SATB2: variants seen among roughly 807,000 people sequenced by gnomAD.
SATB2 encodes SATB homeobox 2.
In SATB2, 1 loss-of-function variant was observed where a neutral mutation model predicts 73.4. The observed-to-expected ratio is 0.01, with a 90% CI of 0.00 to 0.06. The LOEUF is 0.06. SATB2 is among the 10% of genes least tolerant of loss of function. The pLI is 1.00. For synonymous variants in SATB2, 397 were observed against 367.0 expected (o/e 1.08, Z -0.93); for missense variants, 459 against 945.8 (o/e 0.49, Z 6.75).
chr2:199,343,268 A>G (rs759628650), intron 7 of SATB2, among the ~76,000 whole-genome samples: 16 of 152,210 alleles, frequency 1.1e-4, no homozygotes, highest in Non-Finnish European at 1.8e-4. Context: ...ACAAAATATA[A>G]GGTGACAAAA....
upstream of SATB2, among the ~76,000 whole-genome samples, chr2:199,461,890 G>A (rs1263837065): frequency 6.6e-6 from 1 of 151,636 alleles, no homozygotes; most frequent in Non-Finnish European, 1.5e-5. Context: ...TCTCTTTGTC[G>A]ACACCAAGTT....
At chr2:199,453,585 A>T (rs916485731) in intron 2 of SATB2, among the ~76,000 whole-genome samples, 2 of 152,016 alleles carry the variant, frequency 1.3e-5, no homozygotes, top group African/African-American at 4.8e-5. Flanking sequence ...CATTTTTTAA[A>T]ATTTAGAATG....
intron 10 of SATB2, among the ~76,000 whole-genome samples, chr2:199,275,116 G>A (rs1201884333): frequency 1.3e-5 from 2 of 152,154 alleles, no homozygotes; most frequent in Admixed American, 6.5e-5. Context: ...CTTGCCTTCT[G>A]TAGTAAAAGT....
At chr2:199,434,480 AATCT>A (rs1169272721) in intron 2 of SATB2, among the ~76,000 whole-genome samples, 1 of 152,196 alleles carries the variant, frequency 6.6e-6, no homozygotes, top group Non-Finnish European at 1.5e-5. Flanking sequence ...CAGGCACTTA[AATCT>A]AAACATAACC....
Position 199,321,540 on chromosome 2 carries a change from ATG to A in SATB2, c.1542+2261_1542+2262del, listed in dbSNP as rs1393924747. Among the ~76,000 whole-genome samples the A allele has an allele frequency of 2.7e-5, 4 of 148,934 alleles. No homozygotes were observed. In the South Asian group the frequency reaches 8.3e-4, roughly 31 times the overall value. ...TACACACATATACATATATACATATATGTGTATATATATACACACATACACAC... is the reference window on the plus strand; with the variant it reads ...TACACACATATACATATATACATATATGTATATATATACACACATACACAC... On this transcript the variant is annotated intron_variant, in intron 9 of 10. Coordinates refer to ENST00000417098, the MANE Select transcript of SATB2 (RefSeq NM_001172509.2).
chr2:199,294,958 T>C (rs1692984490), intron 10 of SATB2, among the ~76,000 whole-genome samples: 1 of 152,192 alleles, frequency 6.6e-6, no homozygotes. Flanking sequence ...AAAAAATAAC[T>C]GTTAATTTGT....
chr2:199,402,227 A>G (rs766980776), intron 3 of SATB2, among the ~76,000 whole-genome samples: 38 of 152,150 alleles, frequency 2.5e-4, no homozygotes, highest in Non-Finnish European at 4.9e-4. Context: ...TCTACTAAAA[A>G]TACAAAAATT....
rs541185446 is a variant in SATB2 at position 199,370,791 on chromosome 2, G to A, written c.598-2084C>T. 3.9e-5 allele frequency among the ~76,000 whole-genome samples: 6 copies of A among 151,968 alleles called. No homozygotes were observed. In the South Asian group the frequency reaches 6.2e-4, roughly 16 times the overall value. ...TATCTGGGCTCCTACTGGCTCCGTC[G>A]GCAGGTCCTATATTTCATATAACTC... is the stretch of plus-strand genomic sequence containing the variant. On this transcript the variant is annotated intron_variant, in intron 5 of 10. Transcript: ENST00000417098.
At chr2:199,306,459 C>G (rs1687435386) in intron 10 of SATB2, among the ~76,000 whole-genome samples, 1 of 152,128 alleles carries the variant, frequency 6.6e-6, no homozygotes, top group Non-Finnish European at 1.5e-5. Context: ...TTTGTAAACT[C>G]TTTAGCTAAG....
chr2:199,350,280 C>T (rs1688776524), intron 6 of SATB2, among the ~76,000 whole-genome samples: 1 of 151,998 alleles, frequency 6.6e-6, no homozygotes. Flanking sequence ...GTAACTGTCT[C>T]CCTATTATAC....
rs146644021 is a variant in SATB2, at chr2:199,272,279, T to C, written c.2134A>G (p.Lys712Glu). ...DSEEGSEEMYKVEAEEENADK... is the reference protein window; with the variant it reads ...DSEEGSEEMYEVEAEEENADK... ...GCATTTTCCTCCTCAGCCTCCACTT[T>C]GTACATCTCCTCGGAGCCTTCCTCG... The change falls in exon 11 of 11, where the codon AAA becomes GAA. Residue 712 changes from lysine (K) to glutamate (E), a missense_variant. Physicochemically the swap from Lys to Glu is moderately conservative, Grantham distance 56. Around this residue, in one of 13 missense-constraint regions of SATB2, gnomAD observed 41 missense variants for 38.6 expected, o/e 1.06. Transcript: ENST00000417098. The surrounding 1 kb of genome is among the most constrained non-coding windows in gnomAD (Gnocchi z 6.7). The C allele has an allele frequency of 4.3e-6, 7 of 1,614,102 alleles. No homozygotes were observed. The highest frequency in any genetic ancestry group is 5.9e-6 in the Non-Finnish European group (7 of 1,180,034).
intron 3 of SATB2, among the ~76,000 whole-genome samples, chr2:199,383,437 A>C (rs1689836032): frequency 6.6e-6 from 1 of 152,192 alleles, no homozygotes; most frequent in African/African-American, 2.4e-5. Flanking sequence ...GCAAATACTA[A>C]AAAGAAACCA....
intron 10 of SATB2, among the ~76,000 whole-genome samples, chr2:199,307,980 A>C (rs1318611144): frequency 6.6e-6 from 1 of 152,172 alleles, no homozygotes; most frequent in Non-Finnish European, 1.5e-5. Flanking sequence ...TGAAATTGAG[A>C]GTATTGGGCA....
rs141579127 is a variant in SATB2, at chr2:199,310,840, T to C, written c.1543-1883A>G. ...TGTTCTGCTTGAGGACTGAACTGCA[T>C]TGTGGGAAGCCGCAGCTTGAAAGAA... On this transcript the variant is annotated intron_variant, in intron 9 of 10. Coordinates refer to ENST00000417098, the MANE Select transcript of SATB2 (RefSeq NM_001172509.2). Among the ~76,000 whole-genome samples the C allele has an allele frequency of 9.7e-3, 1,477 of 152,276 alleles. 16 individuals are homozygous for C. Among genetic ancestry groups the C allele is most frequent in the Middle Eastern group, 0.024 (7 of 294 alleles).
intron 2 of SATB2, among the ~76,000 whole-genome samples, chr2:199,448,511 A>G (rs1444120574): frequency 6.6e-6 from 1 of 152,228 alleles, no homozygotes; most frequent in Non-Finnish European, 1.5e-5. Flanking sequence ...AGAAAAAGAT[A>G]TATGTGGTTA....
chr2:199,393,212 A>G (rs1180273679), intron 3 of SATB2, among the ~76,000 whole-genome samples: 1 of 152,204 alleles, frequency 6.6e-6, no homozygotes, highest in Non-Finnish European at 1.5e-5. Context: ...TTCCACAGAT[A>G]ACACGGTGCC....
chr2:199,471,129 T>TC (rs1405917823), exon 1 of SATB2: 1 of 152,366 alleles, frequency 6.6e-6, no homozygotes, highest in Non-Finnish European at 1.5e-5. Context: ...TCCCAGGGCA[T>TC]CCGGAGCTGG....
intron 5 of SATB2, 57 bp downstream of exon 5, chr2:199,380,307 T>A (rs1204523840): frequency 3.1e-6 from 5 of 1,608,620 alleles, no homozygotes; most frequent in Non-Finnish European, 4.3e-6. Context: ...AACCCCCTGA[T>A]AGAGAGTCTA....
rs1358405076 is a variant in SATB2, at chr2:199,457,181, TGAA to T, written c.-60+155_-60+157del. Among the ~76,000 whole-genome samples, 1 of 152,076 alleles carries T rather than the reference TGAA, an allele frequency of 6.6e-6. No homozygotes were observed. Among genetic ancestry groups the T allele is most frequent in the African/African-American group, 2.4e-5 (1 of 41,432 alleles). On this transcript the variant is annotated intron_variant, in intron 1 of 10. Transcript: ENST00000417098. The surrounding 1 kb of genome is among the most constrained non-coding windows in gnomAD (Gnocchi z 4.8). ...GGGAGGTGAAAGGAAGGATGCGAGA[TGAA>T]GACACGGAGCAGGAGGGCTGAGGGC...
Sources: gnomAD v4.1 joint callset for allele counts (sites outside exome capture counted in the v4.1 genomes callset) on GRCh38, gnomAD v4.1.1 for gene constraint, gnomAD v4.1.1 regional missense constraint, Gnocchi (gnomAD v3.1) non-coding constraint, MANE v1.5 for transcripts, NCBI Gene and HGNC (gene_info 2026-07-23, HGNC 2026-07-21) for gene names.